CDKN2B-AS1: variants seen among roughly 807,000 people sequenced by gnomAD.
CDKN2B-AS1 encodes the protein CDKN2B antisense RNA 1 (non-protein coding).
intron 4 of CDKN2B-AS1, among the ~76,000 whole-genome samples, chr9:22,079,623 G>A (rs1824626920): frequency 6.6e-6 from 1 of 152,086 alleles, no homozygotes; most frequent in Non-Finnish European, 1.5e-5. Context: ...GAATGTTTGG[G>A]GCTCCTCAAT....
chr9:22,045,038 T>TGTGTGTGTGTGTGTG (rs58026190), intron 1 of CDKN2B-AS1, among the ~76,000 whole-genome samples: 7 of 141,952 alleles, frequency 4.9e-5, no homozygotes, highest in African/African-American at 1.6e-4. Flanking sequence ...TATTATTTAT[T>TGTGTGTGTGTGTGTG]TGTGTGTGTG....
intron 1 of CDKN2B-AS1, chr9:22,003,565 T>A (rs1235319732): frequency 4.4e-6 from 1 of 229,222 alleles, no homozygotes; most frequent in Non-Finnish European, 8.6e-6. Flanking sequence ...TCAACTGACT[T>A]CTTTTATATA....
rs141955118 is a variant in CDKN2B-AS1, at chr9:22,046,111, C to G, written n.30-640C>G. ...TAAATTTCTCTGTAGCAAATGGAAGCCATCCAAATGATTCCCTAGCTACCT... is the reference window on the plus strand; with the variant it reads ...TAAATTTCTCTGTAGCAAATGGAAGGCATCCAAATGATTCCCTAGCTACCT... On this transcript the variant is annotated intron_variant and non_coding_transcript_variant, in intron 1 of 4. Transcript: ENST00000650946. 5.3e-3 allele frequency among the ~76,000 whole-genome samples: 812 copies of G among 152,108 alleles called. 5 individuals are homozygous for G. The highest frequency in any genetic ancestry group is 0.017 in the African/African-American group (709 of 41,530).
At chr9:22,099,588 C>G (rs796717581) in intron 4 of CDKN2B-AS1, among the ~76,000 whole-genome samples, 3 of 152,196 alleles carry the variant, frequency 2.0e-5, no homozygotes, top group African/African-American at 7.2e-5. Flanking sequence ...CATTATTTGT[C>G]TCTTAAGGGC....
intron 1 of CDKN2B-AS1, among the ~76,000 whole-genome samples, chr9:22,024,816 C>T (rs1250533890): frequency 6.6e-6 from 1 of 152,138 alleles, no homozygotes; most frequent in East Asian, 1.9e-4. Context: ...CTGGTGTGCG[C>T]AGTAAGGGCT....
intron 2 of CDKN2B-AS1, among the ~76,000 whole-genome samples, chr9:22,048,113 G>A (rs1823185788): frequency 6.6e-6 from 1 of 151,976 alleles, no homozygotes; most frequent in Non-Finnish European, 1.5e-5. Context: ...AAAATATTGA[G>A]TTGGAAACCC....
intron 1 of CDKN2B-AS1, chr9:22,030,776 T>G (rs1822434985): frequency 6.6e-6 from 1 of 152,152 alleles, no homozygotes; most frequent in Admixed American, 6.5e-5. Flanking sequence ...ATATGTACAT[T>G]CTAGCATACA....
chr9:22,063,245 T>G (rs1823898739), intron 4 of CDKN2B-AS1, among the ~76,000 whole-genome samples: 1 of 152,092 alleles, frequency 6.6e-6, no homozygotes, highest in Non-Finnish European at 1.5e-5. Context: ...AACTTTGCTA[T>G]TTAGTGTCCT....
chr9:22,043,057 C>G (rs947638113), intron 1 of CDKN2B-AS1, among the ~76,000 whole-genome samples: 1 of 151,980 alleles, frequency 6.6e-6, no homozygotes, highest in African/African-American at 2.4e-5. Flanking sequence ...CTCTCCATCC[C>G]CCAAATTTTA....
chr9:22,080,297 C>T (rs2131328508), intron 4 of CDKN2B-AS1, among the ~76,000 whole-genome samples: 1 of 152,310 alleles, frequency 6.6e-6, no homozygotes, highest in South Asian at 2.1e-4. Flanking sequence ...TATTTTGGAA[C>T]AGAAACTTAG....
chr9:22,017,312 G>A (rs1381400763), intron 1 of CDKN2B-AS1, among the ~76,000 whole-genome samples: 1 of 151,916 alleles, frequency 6.6e-6, no homozygotes, highest in Non-Finnish European at 1.5e-5. Flanking sequence ...TGTAGTCCCA[G>A]CTACTCAGGA....
At chr9:22,032,353 C>G (rs565021127) in intron 1 of CDKN2B-AS1, among the ~76,000 whole-genome samples, 1 of 152,060 alleles carries the variant, frequency 6.6e-6, no homozygotes, top group African/African-American at 2.4e-5. Context: ...TCCTCCCTTC[C>G]TTCCCTTCAT....
chr9:22,071,285 CTTTTTTT>C (rs71336509), intron 4 of CDKN2B-AS1, among the ~76,000 whole-genome samples: 8 of 67,576 alleles, frequency 1.2e-4, no homozygotes, highest in East Asian at 9.5e-4. Flanking sequence ...AAATATCTAG[CTTTTTTT>C]TTTTTTTTTT....
At chr9:22,011,396 CTGTTGTT>C (rs1554663501) in intron 1 of CDKN2B-AS1, among the ~76,000 whole-genome samples, 1 of 152,160 alleles carries the variant, frequency 6.6e-6, no homozygotes, top group Non-Finnish European at 1.5e-5. Flanking sequence ...TGCTTTACAG[CTGTTGTT>C]TCATTTAATA....
Position 22,012,258 on chromosome 9 carries a change from G to T in CDKN2B-AS1, n.29+17097G>T, listed in dbSNP as rs1821541393. 2.8e-6 allele frequency: 4 copies of T among 1,436,462 alleles called. No individual in the cohort carries two copies. The Admixed American group carries it at 6.7e-5, about 24-fold the overall frequency. 89.0% of individuals were successfully genotyped at this position (1,436,462 alleles called of 1,614,324 possible). A position where few individuals can be genotyped will look rare whatever the true frequency, so the allele number is the denominator to read the frequency against. On this transcript the variant is annotated intron_variant and non_coding_transcript_variant, in intron 1 of 4. Coordinates refer to ENST00000650946, the Ensembl canonical transcript of CDKN2B-AS1. ...AGTGCGAAAATTCAAGACAAGGAGG[G>T]TATCCCCCCTGACAAGCAGCGTCTG...
At chr9:22,084,397 C>G (rs1824798473) in intron 4 of CDKN2B-AS1, among the ~76,000 whole-genome samples, 1 of 152,136 alleles carries the variant, frequency 6.6e-6, no homozygotes, top group Non-Finnish European at 1.5e-5. Context: ...TTATTTAAAA[C>G]TCAGTTGAAT....
intron 4 of CDKN2B-AS1, among the ~76,000 whole-genome samples, chr9:22,061,615 A>G (rs1537378): frequency 0.73 from 111,734 of 152,034 alleles, 42,619 homozygotes; most frequent in African/African-American, 0.93. Flanking sequence ...TAGTAGTGCT[A>G]TGTTTAAAAG....
intron 3 of CDKN2B-AS1, among the ~76,000 whole-genome samples, chr9:22,051,724 T>A (rs1469263278): frequency 2.0e-5 from 3 of 152,072 alleles, no homozygotes; most frequent in Non-Finnish European, 4.4e-5. Context: ...AAGTTGGAGA[T>A]TTTTGTGGAG....
chr9:22,025,493 T>C (rs1587419882), intron 1 of CDKN2B-AS1, among the ~76,000 whole-genome samples: 1 of 152,074 alleles, frequency 6.6e-6, no homozygotes, highest in Non-Finnish European at 1.5e-5. Flanking sequence ...TGGTGGGGTG[T>C]GGCTAGAGGT....
Sources: allele counts gnomAD v4.1 joint callset (sites outside exome capture counted in the v4.1 genomes callset), GRCh38; gene constraint gnomAD v4.1.1; transcripts MANE v1.5; gene names NCBI Gene and HGNC (gene_info 2026-07-23, HGNC 2026-07-21).